Variants in CCDC102B observed in about 807,000 individuals in gnomAD.
CCDC102B encodes coiled-coil domain containing 102B.
A neutral mutation model predicts 57.4 loss-of-function variants in CCDC102B; 75 were observed. The observed-to-expected ratio is 1.31, with a 90% CI of 1.08 to 1.58. The LOEUF (loss-of-function observed/expected upper bound fraction) is 1.58. CCDC102B is among the 40% of genes most tolerant of loss of function. CCDC102B has a pLI of 0.00. For missense variants in CCDC102B, 636 were observed against 582.6 expected (o/e 1.09, Z -0.94); for synonymous variants, 206 against 201.9 (o/e 1.02, Z -0.17).
At chr18:68,745,940 C>G (rs1013823667) in intron 2 of CCDC102B, among the ~76,000 whole-genome samples, 20 of 152,058 alleles carry the variant, frequency 1.3e-4, no homozygotes, top group African/African-American at 4.8e-4. Context: ...ATTCAGAACT[C>G]AGGTGGGGAT....
chr18:69,052,774 A>G (rs2052740815), intron 7 of CCDC102B, among the ~76,000 whole-genome samples: 1 of 151,714 alleles, frequency 6.6e-6, no homozygotes, highest in African/African-American at 2.4e-5. Flanking sequence ...CAACCAATCA[A>G]CCACTAATCA....
chr18:68,775,211 CAATG>C (rs1320519391), intron 2 of CCDC102B, among the ~76,000 whole-genome samples: 1 of 151,736 alleles, frequency 6.6e-6, no homozygotes, highest in Non-Finnish European at 1.5e-5. Context: ...ATAATTTTTG[CAATG>C]AATGACCTTC....
chr18:68,897,424 A>T lies in CCDC102B; in HGVS notation c.1259A>T (p.Asn420Ile), dbSNP rs1322359167. The T allele has an allele frequency of 2.5e-6, 4 of 1,610,476 alleles. No individual in the cohort carries two copies. Among genetic ancestry groups the T allele is most frequent in the Non-Finnish European group, 3.4e-6 (4 of 1,178,388 alleles). Residue 420 changes from asparagine (N) to isoleucine (I), a missense_variant, in exon 6 of 8, where the codon AAC (asparagine) becomes ATC (isoleucine). Asn to Ile is a moderately radical substitution (Grantham distance 149). Transcript: ENST00000360242. Reference protein sequence around the residue: ...KMSQIDLQEKNQELLNLQHAY... With the variant: ...KMSQIDLQEKIQELLNLQHAY... The stretch of plus-strand genomic sequence containing the variant: ...TCACAAATTGATCTGCAAGAAAAAA[A>T]CCAGGTATGGGTGCTCCTTGGAGCA...
intron 1 of CCDC102B, among the ~76,000 whole-genome samples, chr18:68,831,315 GCA>G (rs2054487233): frequency 6.6e-6 from 1 of 152,018 alleles, no homozygotes; most frequent in African/African-American, 2.4e-5. Flanking sequence ...CTAGTTAATA[GCA>G]ATAGCTTGAA....
At chr18:68,867,784 ATT>A (rs1271083458) in intron 4 of CCDC102B, among the ~76,000 whole-genome samples, 7 of 149,500 alleles carry the variant, frequency 4.7e-5, no homozygotes, top group African/African-American at 1.7e-4. Flanking sequence ...AATACAAAAA[ATT>A]AGTCAGGAGT....
At chr18:69,020,324 A>G (rs542553693) in intron 7 of CCDC102B, among the ~76,000 whole-genome samples, 1 of 152,138 alleles carries the variant, frequency 6.6e-6, no homozygotes. Context: ...TTCATGCTTT[A>G]AGTAATCCAT....
chr18:68,971,172 C>G (rs1020253391), intron 6 of CCDC102B, among the ~76,000 whole-genome samples: 1 of 151,946 alleles, frequency 6.6e-6, no homozygotes, highest in Non-Finnish European at 1.5e-5. Flanking sequence ...TTGACTAGCT[C>G]TATTTTTTTC....
intron 5 of CCDC102B, among the ~76,000 whole-genome samples, chr18:68,880,408 G>A (rs1287222270): frequency 1.1e-3 from 166 of 152,292 alleles, no homozygotes; most frequent in African/African-American, 3.9e-3. Context: ...TGAGGGAGCC[G>A]GCTCCAGCCT....
chr18:68,833,665 G>A lies in CCDC102B; in HGVS notation c.-15-3084G>A, dbSNP rs527530179. On this transcript the variant is annotated intron_variant, in intron 1 of 7. Transcript: ENST00000360242. ...TTTATGTAATTGGTCCAAGATCATC[G>A]TCTAAAAAGTGGCAGAGTAAGACTC... Among the ~76,000 whole-genome samples the A allele has an allele frequency of 5.3e-5, 8 of 152,152 alleles. No individual in the cohort carries two copies. The East Asian group carries it at 1.4e-3, about 26-fold the overall frequency.
Position 68,838,526 on chromosome 18 carries a change from A to T in CCDC102B, c.607-180A>T, listed in dbSNP as rs187861587. ...TTTATGAGAAAGTAGAACATAGAAAAAAACAAGCTCAAAGAAGAATGCAAG... is the reference window on the plus strand; with the variant it reads ...TTTATGAGAAAGTAGAACATAGAAATAAACAAGCTCAAAGAAGAATGCAAG... On this transcript the variant is annotated intron_variant, in intron 2 of 7. Coordinates refer to ENST00000360242, the MANE Select transcript of CCDC102B (RefSeq NM_024781.3). The T allele has an allele frequency of 4.0e-4, 397 of 985,438 alleles. No individual in the cohort carries two copies. The African/African-American group carries it at 6.4e-3, about 16-fold the overall frequency. The allele number at this position is 985,438 out of a possible 1,614,324, so 61.0% of individuals were successfully genotyped here.
At position 68,941,596 on chromosome 18, in the gene CCDC102B, A is replaced by C. The variant is rs116599384; in HGVS notation, c.1263+44168A>C. Among the ~76,000 whole-genome samples the C allele has an allele frequency of 4.7e-3, 713 of 152,244 alleles. 8 individuals are homozygous for C. Among genetic ancestry groups the C allele is most frequent in the African/African-American group, 0.016 (686 of 41,578 alleles). ...TTAAATGTAAATGAACGTCAATGTG[A>C]TATTAAGAAGTTACTGTTTTAAGTT... On this transcript the variant is annotated intron_variant, in intron 6 of 7. Transcript: ENST00000360242.
chr18:68,829,638 A>C (rs890680672), intron 1 of CCDC102B, among the ~76,000 whole-genome samples: 1 of 152,002 alleles, frequency 6.6e-6, no homozygotes, highest in Non-Finnish European at 1.5e-5. Flanking sequence ...GGTGTGAGAA[A>C]ATATTACCGC....
intron 6 of CCDC102B, among the ~76,000 whole-genome samples, chr18:68,922,397 ATTTG>A (rs2041312858): frequency 6.6e-6 from 1 of 152,096 alleles, no homozygotes; most frequent in Non-Finnish European, 1.5e-5. Flanking sequence ...TATTATGTTG[ATTTG>A]TTTAGGCCTC....
chr18:69,055,045 A>G lies in CCDC102B; in HGVS notation c.*908A>G, dbSNP rs1478429267. Reference sequence around the variant, plus strand: ...CAAAAAGACACTTATAATTTTCCATACCTATTTTCAACTGAAGGCAACTTG... The same window carrying G: ...CAAAAAGACACTTATAATTTTCCATGCCTATTTTCAACTGAAGGCAACTTG... On this transcript the variant is annotated 3_prime_UTR_variant, in exon 8 of 8. Transcript: ENST00000360242. 1.0e-6 allele frequency: 1 copy of G among 982,788 alleles called. No individual in the cohort carries two copies. Among genetic ancestry groups the G allele is most frequent in the African/African-American group, 1.7e-5 (1 of 57,168 alleles). 60.9% of individuals were successfully genotyped at this position (982,788 alleles called of 1,614,324 possible).
intron 2 of CCDC102B, among the ~76,000 whole-genome samples, chr18:68,770,443 C>G (rs1403580589): frequency 6.6e-6 from 1 of 152,144 alleles, no homozygotes; most frequent in Non-Finnish European, 1.5e-5. Context: ...TTAGAAATAA[C>G]AAGGTGCAAC....
At chr18:68,736,762 G>A (rs373617930) in intron 2 of CCDC102B, among the ~76,000 whole-genome samples, 77 of 152,154 alleles carry the variant, frequency 5.1e-4, no homozygotes, top group African/African-American at 1.7e-3. Flanking sequence ...GGGAAAGACC[G>A]ACCCCCATGA....
chr18:69,041,744 A>G (rs778574833), intron 7 of CCDC102B, among the ~76,000 whole-genome samples: 1 of 151,884 alleles, frequency 6.6e-6, no homozygotes, highest in Non-Finnish European at 1.5e-5. Flanking sequence ...GACCTTTTGC[A>G]TAGTGTTTCA....
intron 6 of CCDC102B, among the ~76,000 whole-genome samples, chr18:68,943,828 C>T (rs1271040768): frequency 2.0e-5 from 3 of 152,040 alleles, no homozygotes; most frequent in African/African-American, 7.2e-5. Context: ...GTTTAGGAAG[C>T]GGAGGGGAAC....
At chr18:68,750,741 T>C (rs892318248) in intron 2 of CCDC102B, among the ~76,000 whole-genome samples, 10 of 139,996 alleles carry the variant, frequency 7.1e-5, no homozygotes, top group Middle Eastern at 3.9e-3. Context: ...TAGGTGGGAA[T>C]TGAACAATGA....
Sources: gnomAD v4.1 joint callset for allele counts (sites outside exome capture counted in the v4.1 genomes callset) on GRCh38, gnomAD v4.1.1 for gene constraint, MANE v1.5 for transcripts, NCBI Gene and HGNC (gene_info 2026-07-23, HGNC 2026-07-21) for gene names.